Variants in CDC42EP1 observed in about 807,000 individuals in gnomAD.
CDC42EP1 encodes CDC42 effector protein 1.
Under a neutral mutation model 7.4 loss-of-function variants are expected in CDC42EP1, and 6 were observed. That is an observed-to-expected ratio of 0.81 (90% CI 0.44 to 1.60). The LOEUF (loss-of-function observed/expected upper bound fraction) is 1.60, where lower values mean the gene tolerates loss of function less well. Ranked by LOEUF, CDC42EP1 falls within the 40% of genes most tolerant of loss-of-function variation. The probability of loss-of-function intolerance (pLI) is 0.01; values close to 1 mark genes in which losing one functional copy is unlikely to be tolerated. For missense variants in CDC42EP1, 567 were observed against 539.0 expected (o/e 1.05, Z -0.51); for synonymous variants, 238 against 227.1 (o/e 1.05, Z -0.43).
At chr22:37,562,346 GC>G (rs1465126537) in intron 1 of CDC42EP1, among the ~76,000 whole-genome samples, 1 of 152,214 alleles carries the variant, frequency 6.6e-6, no homozygotes, top group East Asian at 1.9e-4. Flanking sequence ...GACACTTGGA[GC>G]CCTGCTTACT....
intron 1 of CDC42EP1, among the ~76,000 whole-genome samples, chr22:37,564,157 C>T (rs546223685): frequency 3.3e-5 from 5 of 151,912 alleles, no homozygotes; most frequent in East Asian, 1.9e-4. Context: ...ATCACAGGTG[C>T]GCTCTAGCCT....
Position 37,568,523 on chromosome 22 carries a change from G to A in CDC42EP1, c.879G>A (p.Gly293=), listed in dbSNP as rs560224489. ...HGHCPNGVTA[G]LGPVAEVKSS... ...ACTGTCCCAATGGGGTAACAGCTGG[G>A]TTGGGCCCAGTGGCTGAGGTGAAGT... Residue 293 remains glycine (G), a synonymous_variant, in exon 3 of 3, where the codon GGG becomes GGA. Coordinates refer to ENST00000249014, the MANE Select transcript of CDC42EP1 (RefSeq NM_152243.3). 5.0e-6 allele frequency: 8 copies of A among 1,609,834 alleles called. No individual in the cohort carries two copies. The highest frequency in any genetic ancestry group is 6.8e-6 in the Non-Finnish European group (8 of 1,178,272).
chr22:37,563,497 C>A (rs527338060), intron 1 of CDC42EP1, among the ~76,000 whole-genome samples: 5 of 152,088 alleles, frequency 3.3e-5, no homozygotes, highest in African/African-American at 9.6e-5. Flanking sequence ...TCAGAAGTTC[C>A]CCCCCACGAG....
chr22:37,564,717 C>T (rs769034581), intron 1 of CDC42EP1, among the ~76,000 whole-genome samples: 2 of 151,754 alleles, frequency 1.3e-5, no homozygotes, highest in Admixed American at 6.5e-5. Context: ...AGGCAAGTTA[C>T]GTCACTTTGT....
rs764490162 is a variant in CDC42EP1 at position 37,566,778 on chromosome 22, C to G, written c.429C>G (p.Ser143Arg). Residue 143 changes from serine (S) to arginine (R), a missense_variant, in exon 2 of 3, where the codon AGC becomes AGG. Physicochemically the swap from Ser to Arg is moderately radical, Grantham distance 110. Transcript: ENST00000249014. This position sits in a 1 kb window ranked among gnomAD's most constrained non-coding sequence, Gnocchi z 6.4. ...LVVGKLSFDS[S>R]PTSSTDGHSS... ...TTGGCAAGCTCAGCTTCGACAGCAG[C>G]CCCACCAGCTCCACGGACGGCCACT... 3.8e-6 allele frequency: 6 copies of G among 1,578,788 alleles called. No homozygotes were observed. The highest frequency in any genetic ancestry group is 2.6e-6 in the Non-Finnish European group (3 of 1,163,344).
Position 37,566,044 on chromosome 22 carries a change from G to A in CDC42EP1, c.-278-28G>A, listed in dbSNP as rs114714805. ...TTTCCTCCTCTGTCGCGGGCCTGCC[G>A]TCACCGCCCATTCTGTCTTCCTTCC... On this transcript the variant is annotated intron_variant, in intron 1 of 2. Transcript: ENST00000249014. This position sits in a 1 kb window ranked among gnomAD's most constrained non-coding sequence, Gnocchi z 6.4. The A allele has an allele frequency of 9.6e-3, 2,942 of 307,818 alleles. 87 individuals carry two copies. The highest frequency in any genetic ancestry group is 0.058 in the African/African-American group (2,678 of 46,556). 19.1% of individuals were successfully genotyped at this position (307,818 alleles called of 1,614,324 possible).
Position 37,566,687 on chromosome 22 carries a change from C to G in CDC42EP1, c.338C>G (p.Ser113Cys), listed in dbSNP as rs1280096288. The G allele has an allele frequency of 1.9e-6, 3 of 1,611,406 alleles. No homozygotes were observed. The highest frequency in any genetic ancestry group is 2.5e-6 in the Non-Finnish European group (3 of 1,178,410). Residue 113 changes from serine (S) to cysteine (C), a missense_variant, in exon 2 of 3, where the codon TCC becomes TGC. By Grantham distance (112) the Ser-to-Cys change is moderately radical. Coordinates refer to ENST00000249014, the MANE Select transcript of CDC42EP1 (RefSeq NM_152243.3). This position sits in a 1 kb window ranked among gnomAD's most constrained non-coding sequence, Gnocchi z 6.4. ...PAPSPAPPAI[S>C]PIIKNAISLP... The stretch of plus-strand genomic sequence containing the variant: ...CCCTCCCCGGCTCCACCGGCCATCT[C>G]CCCCATCATCAAGAACGCCATCTCC...
intron 1 of CDC42EP1, among the ~76,000 whole-genome samples, chr22:37,562,670 G>A (rs1405186432): frequency 6.6e-6 from 1 of 152,118 alleles, no homozygotes; most frequent in Admixed American, 6.5e-5. Context: ...GTGAGGGGTG[G>A]GTACTATTGG....
At chr22:37,564,807 C>T (rs975090071) in intron 1 of CDC42EP1, among the ~76,000 whole-genome samples, 1 of 152,208 alleles carries the variant, frequency 6.6e-6, no homozygotes, top group Admixed American at 6.5e-5. Context: ...GAGACGGAGT[C>T]TCGCTCTGTC....
intron 2 of CDC42EP1, among the ~76,000 whole-genome samples, chr22:37,567,741 G>A (rs753811523): frequency 8.5e-5 from 13 of 152,198 alleles, no homozygotes; most frequent in South Asian, 2.1e-4. Context: ...GTCATGGCAG[G>A]GAGCCGGTGG....
chr22:37,563,792 T>C (rs1025059532), intron 1 of CDC42EP1: 3 of 152,196 alleles, frequency 2.0e-5, no homozygotes, highest in African/African-American at 7.2e-5. Flanking sequence ...GGTAAGTGAC[T>C]TGCCCAAGGT....
In CDC42EP1 at chr22:37,568,567, G is replaced by A; in HGVS notation, c.923G>A (p.Gly308Asp). 6 of 1,605,646 alleles carry A rather than the reference G, an allele frequency of 3.7e-6. No individual in the cohort carries two copies. Among genetic ancestry groups the A allele is most frequent in the Non-Finnish European group, 4.3e-6 (5 of 1,176,338 alleles). The change falls in exon 3 of 3, where the codon GGT becomes GAT. Residue 308 changes from glycine to aspartate, a missense_variant. By Grantham distance (94) the Gly-to-Asp change is moderately conservative. Transcript: ENST00000249014. ...AEVKSSPVGG[G>D]PRGPAGPALG... ...GTGAAGTCCAGCCCAGTGGGAGGGG[G>A]TCCCCGAGGACCTGCTGGCCCTGCC...
At position 37,568,383 on chromosome 22, in the gene CDC42EP1, G is replaced by GGT; in HGVS notation, c.739_740insGT (p.Ala247GlyfsTer45). The GGT allele has an allele frequency of 6.9e-7, 1 of 1,452,834 alleles. No individual in the cohort carries two copies. The highest frequency in any genetic ancestry group is 9.4e-7 in the Non-Finnish European group (1 of 1,059,748). 90.0% of individuals were successfully genotyped at this position (1,452,834 alleles called of 1,614,324 possible). A position where few individuals can be genotyped will look rare whatever the true frequency, so the allele number is the denominator to read the frequency against. On this transcript the variant is annotated frameshift_variant, in exon 3 of 3. Transcript: ENST00000249014. LOFTEE classifies it low-confidence loss of function (END_TRUNC). ...CACGGGTCCTGCTGCAAACCCCCCA[G>GGT]CCACTACTGCAAACCCCCCAGCGCC... is the stretch of plus-strand genomic sequence containing the variant.
At position 37,568,403 on chromosome 22, in the gene CDC42EP1, AGCGCCTGCTGC is replaced by A; in HGVS notation, c.760_770del (p.Ala254LysfsTer42). ...CCCCAGCCACTACTGCAAACCCCCCAGCGCCTGCTGCAAACCCCTCAGCACCTGCCGCAACC... is the reference window on the plus strand; with the variant it reads ...CCCCAGCCACTACTGCAAACCCCCCAAAACCCCTCAGCACCTGCCGCAACC... On this transcript the variant is annotated frameshift_variant, in exon 3 of 3. Transcript: ENST00000249014. LOFTEE classifies it low-confidence loss of function (END_TRUNC). 5.9e-6 allele frequency: 2 copies of A among 339,226 alleles called. No individual in the cohort carries two copies. The highest frequency in any genetic ancestry group is 9.6e-6 in the Non-Finnish European group (2 of 207,898). The allele number at this position is 339,226 out of a possible 1,614,324, so 21.0% of individuals were successfully genotyped here. A position where few individuals can be genotyped will look rare whatever the true frequency, so the allele number is the denominator to read the frequency against.
At chr22:37,568,086 C>A (rs1601455765) in intron 2 of CDC42EP1, 22 bp from the exon 3 acceptor site, 1 of 1,588,218 alleles carries the variant, frequency 6.3e-7, no homozygotes, top group South Asian at 1.1e-5. Flanking sequence ...AGCTCTGAGC[C>A]CACTGCCCAT....
At chr22:37,561,857 C>T (rs927126733) in intron 1 of CDC42EP1, among the ~76,000 whole-genome samples, 2 of 152,322 alleles carry the variant, frequency 1.3e-5, no homozygotes, top group East Asian at 1.9e-4. Context: ...CTCCTTCAGA[C>T]CCGCCCTTGG....
chr22:37,563,099 C>T (rs1213571307), intron 1 of CDC42EP1, among the ~76,000 whole-genome samples: 1 of 151,256 alleles, frequency 6.6e-6, no homozygotes, highest in African/African-American at 2.4e-5. Context: ...CAGAGTGAGA[C>T]CCTGCCTCAA....
At position 37,568,532 on chromosome 22, in the gene CDC42EP1, A is replaced by C. The variant is rs769568839; in HGVS notation, c.888A>C (p.Pro296=). ...ATGGGGTAACAGCTGGGTTGGGCCCAGTGGCTGAGGTGAAGTCCAGCCCAG... is the reference window on the plus strand; with the variant it reads ...ATGGGGTAACAGCTGGGTTGGGCCCCGTGGCTGAGGTGAAGTCCAGCCCAG... ...CPNGVTAGLG[P]VAEVKSSPVG... The change falls in exon 3 of 3, where the codon CCA becomes CCC. Residue 296 remains proline, a synonymous_variant. Transcript: ENST00000249014. The C allele has an allele frequency of 6.2e-7, 1 of 1,609,974 alleles. No individual in the cohort carries two copies. The highest frequency in any genetic ancestry group is 8.5e-7 in the Non-Finnish European group (1 of 1,178,312).
Position 37,566,292 on chromosome 22 carries a change from A to ACCCCCCC in CDC42EP1, c.-56_-55insCCCCCCC. 3.3e-6 allele frequency: 1 copy of ACCCCCCC among 302,622 alleles called. No individual in the cohort carries two copies. The allele number at this position is 302,622 out of a possible 1,614,324, so 18.7% of individuals were successfully genotyped here. ...TGAGCAGCCATCCCAAGCCCAGCCC[A>ACCCCCCC]CCTCCCTCCCCCGGCCCCTGGTAGG... is the stretch of plus-strand genomic sequence containing the variant. On this transcript the variant is annotated 5_prime_UTR_variant, in exon 2 of 3. Transcript: ENST00000249014. This position sits in a 1 kb window ranked among gnomAD's most constrained non-coding sequence, Gnocchi z 6.4.
Sources: allele counts gnomAD v4.1 joint callset (sites outside exome capture counted in the v4.1 genomes callset), GRCh38; gene constraint gnomAD v4.1.1; non-coding constraint Gnocchi (gnomAD v3.1); transcripts MANE v1.5; gene names NCBI Gene and HGNC (gene_info 2026-07-23, HGNC 2026-07-21).